HMGN3: variants seen among roughly 807,000 people sequenced by gnomAD.
The protein encoded by HMGN3 is high mobility group nucleosomal binding domain 3.
Under a neutral mutation model 18.8 loss-of-function variants are expected in HMGN3, and 6 were observed. That is an observed-to-expected ratio of 0.32 (90% CI 0.18 to 0.63). The LOEUF (loss-of-function observed/expected upper bound fraction) is 0.63, where lower values mean the gene tolerates loss of function less well. Among genes scored for constraint, HMGN3 ranks in the 30% least tolerant of loss-of-function variants. The pLI is 0.79. For missense variants in HMGN3, 107 were observed against 114.2 expected, an observed-to-expected ratio of 0.94 and a Z score of 0.29; for synonymous variants, 40 against 36.5, an observed-to-expected ratio of 1.10 and a Z score of -0.35.
At chr6:79,232,949 T>C (rs1777925475) in intron 1 of HMGN3, among the ~76,000 whole-genome samples, 1 of 152,216 alleles carries the variant, frequency 6.6e-6, no homozygotes, top group Admixed American at 6.5e-5. Context: ...AGAAAATACC[T>C]TCATAAAATT....
At chr6:79,204,920 CTGT>C in intron 3 of HMGN3, among the ~76,000 whole-genome samples, 1 of 152,192 alleles carries the variant, frequency 6.6e-6, no homozygotes, top group Non-Finnish European at 1.5e-5. Flanking sequence ...CTTTGATATA[CTGT>C]ATTAATATAC....
At chr6:79,204,748 T>C (rs1288997534) in intron 3 of HMGN3, among the ~76,000 whole-genome samples, 1 of 152,176 alleles carries the variant, frequency 6.6e-6, no homozygotes, top group African/African-American at 2.4e-5. Flanking sequence ...TTTCAGAAGA[T>C]TGGCTGTTAG....
chr6:79,215,267 G>A (rs1392593728), intron 1 of HMGN3, among the ~76,000 whole-genome samples: 2 of 152,190 alleles, frequency 1.3e-5, no homozygotes, highest in Non-Finnish European at 2.9e-5. Context: ...GTGATTCCCT[G>A]TTCTCAATGT....
At chr6:79,213,216 C>T (rs1053884431) in intron 2 of HMGN3, among the ~76,000 whole-genome samples, 29 of 151,696 alleles carry the variant, frequency 1.9e-4, no homozygotes, top group Middle Eastern at 6.8e-3. Flanking sequence ...CCCACTCCAG[C>T]CTGGATGACA....
At chr6:79,212,487 A>C (rs2127821878) in intron 2 of HMGN3, among the ~76,000 whole-genome samples, 1 of 152,256 alleles carries the variant, frequency 6.6e-6, no homozygotes, top group Non-Finnish European at 1.5e-5. Flanking sequence ...TCACTGTGGG[A>C]TCTGGAGAGC....
Position 79,219,012 on chromosome 6 carries a change from T to C in HMGN3, c.16-3990A>G, listed in dbSNP as rs1777137135. 2.6e-5 allele frequency among the ~76,000 whole-genome samples: 4 copies of C among 152,042 alleles called. No individual in the cohort carries two copies. In the South Asian group the frequency reaches 8.3e-4, roughly 32 times the overall value. On this transcript the variant is annotated intron_variant, in intron 1 of 5. Coordinates refer to ENST00000344726, the Ensembl canonical transcript of HMGN3. ...GGTTAATTGAGAAGCTCCACAACTATCTAATAGGCATTTCAGAAGCAGAGA... is the reference window on the plus strand; with the variant it reads ...GGTTAATTGAGAAGCTCCACAACTACCTAATAGGCATTTCAGAAGCAGAGA...
intron 1 of HMGN3, among the ~76,000 whole-genome samples, chr6:79,215,298 T>C (rs1275686988): frequency 6.6e-6 from 1 of 152,238 alleles, no homozygotes; most frequent in African/African-American, 2.4e-5. Context: ...TAAGCGACTT[T>C]CATTTATCTT....
At chr6:79,234,658 G>C in exon 1 of HMGN3, 1 of 1,245,510 alleles carries the variant, frequency 8.0e-7, no homozygotes, top group Admixed American at 1.7e-5. Context: ...CTCACGCGCA[G>C]GGCACGACGT....
At chr6:79,214,329 G>A (rs1307178534) in intron 2 of HMGN3, among the ~76,000 whole-genome samples, 2 of 151,608 alleles carry the variant, frequency 1.3e-5, no homozygotes, top group African/African-American at 2.4e-5. Flanking sequence ...AGCCTCCCGA[G>A]TAGCTGGGAC....
intron 1 of HMGN3, among the ~76,000 whole-genome samples, chr6:79,223,963 T>C (rs948470920): frequency 1.3e-5 from 2 of 152,154 alleles, no homozygotes; most frequent in African/African-American, 4.8e-5. Flanking sequence ...CATGTGTACA[T>C]CATGGGAATG....
chr6:79,204,906 T>C (rs191227734), intron 3 of HMGN3, among the ~76,000 whole-genome samples: 43 of 152,380 alleles, frequency 2.8e-4, no homozygotes, highest in Middle Eastern at 3.4e-3. Context: ...TTTGTCATCC[T>C]AAGCTTTGAT....
exon 6 of HMGN3, chr6:79,201,657 C>T (rs1582392445): frequency 7.0e-7 from 1 of 1,418,822 alleles, no homozygotes; most frequent in South Asian, 1.2e-5. Flanking sequence ...CCAAGAGATA[C>T]ATAAAATCAA....
chr6:79,220,706 CA>C (rs1777236008), intron 1 of HMGN3, among the ~76,000 whole-genome samples: 1 of 152,174 alleles, frequency 6.6e-6, no homozygotes, highest in African/African-American at 2.4e-5. Context: ...TTTGGCCTCC[CA>C]AAGTGTTGAG....
rs3076135 is a variant in HMGN3 at position 79,234,379 on chromosome 6, C to CAGAG, written c.15+163_15+166dup. 157 of 627,780 alleles carry CAGAG rather than the reference C, an allele frequency of 2.5e-4. 2 individuals carry two copies. The South Asian group carries it at 2.9e-3, about 12-fold the overall frequency. The allele number at this position is 627,780 out of a possible 1,614,324, so 38.9% of individuals were successfully genotyped here. ...ATGAGGACGGAGTGGGTAGGGGGGA[C>CAGAG]AGAGAGAGGAACGTCTGCAACAGGC... is the stretch of plus-strand genomic sequence containing the variant. On this transcript the variant is annotated intron_variant, in intron 1 of 5. Transcript: ENST00000344726.
At chr6:79,202,353 C>A (rs1337224264) in exon 5 of HMGN3, 1 of 1,613,958 alleles carries the variant, frequency 6.2e-7, no homozygotes, top group Non-Finnish European at 8.5e-7. Flanking sequence ...TCCTTCTTCC[C>A]TTTAGCACCT....
At chr6:79,219,356 A>G (rs1011656394) in intron 1 of HMGN3, among the ~76,000 whole-genome samples, 46 of 152,314 alleles carry the variant, frequency 3.0e-4, no homozygotes, top group Admixed American at 1.9e-3. Context: ...GCTATCATTC[A>G]AGAGTGATGG....
intron 1 of HMGN3, among the ~76,000 whole-genome samples, chr6:79,217,445 G>T (rs564222225): frequency 4.1e-4 from 63 of 152,232 alleles, no homozygotes; most frequent in African/African-American, 1.5e-3. Context: ...CTAACTCAAA[G>T]GGTACTGCTT....
intron 2 of HMGN3, among the ~76,000 whole-genome samples, chr6:79,212,182 C>T (rs902684675): frequency 6.6e-6 from 1 of 152,012 alleles, no homozygotes; most frequent in African/African-American, 2.4e-5. Flanking sequence ...TTAGGACTGT[C>T]ATAAAAGGGC....
At chr6:79,201,378 T>C (rs1341907652) in exon 6 of HMGN3, 2 of 287,376 alleles carry the variant, frequency 7.0e-6, no homozygotes, top group Admixed American at 4.8e-5. Flanking sequence ...AAAAACTGCA[T>C]GAAAAATTCA....
Sources: allele counts gnomAD v4.1 joint callset (sites outside exome capture counted in the v4.1 genomes callset), GRCh38; gene constraint gnomAD v4.1.1; transcripts MANE v1.5; gene names NCBI Gene and HGNC (gene_info 2026-07-23, HGNC 2026-07-21).